BCL2: variants seen among roughly 807,000 people sequenced by gnomAD.
BCL2 encodes apoptosis regulator Bcl-2.
BCL2 carries 1 observed loss-of-function variant against 14.2 expected under a neutral mutation model. That is an observed-to-expected ratio of 0.07 (90% confidence interval 0.02 to 0.33). BCL2 has a LOEUF of 0.33. BCL2 is among the 10% of genes least tolerant of loss of function. BCL2 has a pLI of 0.99. For missense variants in BCL2, 247 were observed against 305.9 expected (o/e 0.81, Z 1.44); for synonymous variants, 151 against 137.2 (o/e 1.10, Z -0.70).
intron 2 of BCL2, among the ~76,000 whole-genome samples, chr18:63,284,401 T>A (rs1205896994): frequency 6.6e-6 from 1 of 152,182 alleles, no homozygotes; most frequent in African/African-American, 2.4e-5. Context: ...CAGGCTTTCA[T>A]GCAAGGACCC....
chr18:63,260,132 T>C (rs1204813433), intron 2 of BCL2, among the ~76,000 whole-genome samples: 2 of 152,200 alleles, frequency 1.3e-5, no homozygotes, highest in Non-Finnish European at 2.9e-5. Flanking sequence ...TGAACACTGC[T>C]GTAAACAAAT....
intron 2 of BCL2, among the ~76,000 whole-genome samples, chr18:63,186,958 T>C (rs1266409515): frequency 6.6e-6 from 1 of 152,240 alleles, no homozygotes; most frequent in Non-Finnish European, 1.5e-5. Context: ...GGGCATTCTG[T>C]TTTCTTTTGT....
At chr18:63,167,370 C>G (rs1915070210) in intron 2 of BCL2, among the ~76,000 whole-genome samples, 1 of 152,214 alleles carries the variant, frequency 6.6e-6, no homozygotes, top group African/African-American at 2.4e-5. Context: ...ACTTTTCTCT[C>G]TAAGTCAGAT....
At chr18:63,156,723 G>A (rs1400087710) in intron 2 of BCL2, among the ~76,000 whole-genome samples, 2 of 152,160 alleles carry the variant, frequency 1.3e-5, no homozygotes, top group Non-Finnish European at 2.9e-5. Flanking sequence ...TTGGGGGTGG[G>A]GGTGCAGGAA....
intron 2 of BCL2, among the ~76,000 whole-genome samples, chr18:63,165,494 T>C (rs1915021488): frequency 2.0e-5 from 3 of 152,202 alleles, no homozygotes. Flanking sequence ...ACCACATCCC[T>C]GGCCAATGGC....
intron 2 of BCL2, among the ~76,000 whole-genome samples, chr18:63,254,776 T>G (rs1911422647): frequency 6.6e-6 from 1 of 152,182 alleles, no homozygotes. Context: ...CATGGGGTAT[T>G]AGATTTCAAC....
chr18:63,176,788 C>A (rs1915360008), intron 2 of BCL2, among the ~76,000 whole-genome samples: 2 of 152,204 alleles, frequency 1.3e-5, no homozygotes, highest in South Asian at 4.1e-4. Context: ...AAATTGCTAA[C>A]TATAGCCAAC....
chr18:63,133,447 C>T (rs1185342206), intron 2 of BCL2, among the ~76,000 whole-genome samples: 2 of 149,684 alleles, frequency 1.3e-5, no homozygotes, highest in Non-Finnish European at 3.0e-5. Flanking sequence ...CCCTCTACTA[C>T]GCCCGGCTAA....
intron 2 of BCL2, among the ~76,000 whole-genome samples, chr18:63,277,526 G>C (rs1044831370): frequency 1.6e-4 from 24 of 151,770 alleles, no homozygotes; most frequent in African/African-American, 5.3e-4. Context: ...GCCTTGGGAG[G>C]CTGAGGCAGG....
chr18:63,186,187 G>A (rs1915589742), intron 2 of BCL2, among the ~76,000 whole-genome samples: 1 of 152,156 alleles, frequency 6.6e-6, no homozygotes. Context: ...TTTTCTCTGT[G>A]CCTGAGCATG....
chr18:63,195,271 C>T (rs1044577838), intron 2 of BCL2, among the ~76,000 whole-genome samples: 5 of 152,156 alleles, frequency 3.3e-5, no homozygotes, highest in Admixed American at 1.3e-4. Context: ...CAATACAGGC[C>T]GCTTTCATCT....
In BCL2 at chr18:63,195,724, ACT is replaced by A. The variant is rs549973432; in HGVS notation, c.586-66967_586-66966del. Among the ~76,000 whole-genome samples the A allele has an allele frequency of 9.7e-4, 147 of 152,308 alleles. 1 individual carries two copies. Among genetic ancestry groups the A allele is most frequent in the African/African-American group, 3.3e-3 (138 of 41,570 alleles). ...TGTTGATTCAGATACAAAATAAAAT[ACT>A]GTTTGTATTGTAGGCTTTTAATGAA... On this transcript the variant is annotated intron_variant, in intron 2 of 2. Transcript: ENST00000333681.
intron 2 of BCL2, among the ~76,000 whole-genome samples, chr18:63,277,798 G>T (rs1408570948): frequency 6.6e-6 from 1 of 152,022 alleles, no homozygotes; most frequent in Non-Finnish European, 1.5e-5. Context: ...AAGAGAAAAT[G>T]GCCAATGAAA....
intron 2 of BCL2, among the ~76,000 whole-genome samples, chr18:63,218,059 G>T (rs1910255842): frequency 6.6e-6 from 1 of 152,124 alleles, no homozygotes; most frequent in Non-Finnish European, 1.5e-5. Flanking sequence ...TGCCTCCAAG[G>T]TCAGTCAGCA....
At chr18:63,147,862 C>T (rs145548736) in intron 2 of BCL2, among the ~76,000 whole-genome samples, 4 of 152,306 alleles carry the variant, frequency 2.6e-5, no homozygotes, top group East Asian at 1.9e-4. Context: ...TGGAACCATA[C>T]ATCACTCAAG....
At chr18:63,303,753 T>A (rs1474167695) in intron 2 of BCL2, among the ~76,000 whole-genome samples, 4 of 152,192 alleles carry the variant, frequency 2.6e-5, no homozygotes. Context: ...ATATTGGGGT[T>A]CAATAAATAT....
intron 2 of BCL2, among the ~76,000 whole-genome samples, chr18:63,256,846 A>C (rs751327944): frequency 9.9e-5 from 15 of 152,216 alleles, no homozygotes; most frequent in Non-Finnish European, 1.9e-4. Flanking sequence ...AGTCATTAAC[A>C]GTATGTTCTA....
At chr18:63,297,008 T>G (rs1190713786) in intron 2 of BCL2, among the ~76,000 whole-genome samples, 2 of 152,102 alleles carry the variant, frequency 1.3e-5, no homozygotes, top group African/African-American at 2.4e-5. Flanking sequence ...TTCAGGAGAT[T>G]GAGACCATCT....
intron 2 of BCL2, among the ~76,000 whole-genome samples, chr18:63,142,925 T>C (rs748401375): frequency 4.6e-5 from 7 of 152,242 alleles, no homozygotes; most frequent in Non-Finnish European, 1.0e-4. Flanking sequence ...TCAGACAGTC[T>C]TCCTGTGCCC....
Sources: allele counts gnomAD v4.1 joint callset (sites outside exome capture counted in the v4.1 genomes callset), GRCh38; gene constraint gnomAD v4.1.1; transcripts MANE v1.5; gene names NCBI Gene and HGNC (gene_info 2026-07-23, HGNC 2026-07-21).